Variants in KLF12 observed in about 807,000 individuals in gnomAD.
The protein encoded by KLF12 is Krueppel-like factor 12.
A neutral mutation model predicts 37.8 loss-of-function variants in KLF12; 9 were observed. That is an observed-to-expected ratio of 0.24 (90% CI 0.14 to 0.42). The LOEUF (loss-of-function observed/expected upper bound fraction) is 0.42, where lower values mean the gene tolerates loss of function less well. KLF12 is among the 10% of genes least tolerant of loss of function. The pLI is 1.00. For synonymous variants in KLF12, 208 were observed against 202.1 expected, an observed-to-expected ratio of 1.03 and a Z score of -0.25; for missense variants, 411 against 516.0, an observed-to-expected ratio of 0.80 and a Z score of 1.97.
At chr13:74,113,969 G>C (rs1408235047) in intron 1 of KLF12, among the ~76,000 whole-genome samples, 2 of 152,196 alleles carry the variant, frequency 1.3e-5, no homozygotes, top group East Asian at 3.8e-4. Context: ...ACTTGGAGAA[G>C]TTCAAGAGTT....
At chr13:74,025,132 G>A (rs939145242) in intron 1 of KLF12, among the ~76,000 whole-genome samples, 1 of 152,120 alleles carries the variant, frequency 6.6e-6, no homozygotes, top group Admixed American at 6.6e-5. Context: ...TAGAAGTCAT[G>A]AACAAATGCA....
At chr13:73,949,225 A>G (rs1262142621) in intron 2 of KLF12, among the ~76,000 whole-genome samples, 3 of 152,242 alleles carry the variant, frequency 2.0e-5, no homozygotes, top group East Asian at 3.9e-4. Flanking sequence ...CTCTATATCA[A>G]TATGCACTCC....
the KLF12 span, among the ~76,000 whole-genome samples, chr13:74,245,119 T>G: frequency 6.6e-6 from 1 of 152,168 alleles, no homozygotes; most frequent in Non-Finnish European, 1.5e-5. Flanking sequence ...CAAGGAAAAT[T>G]TCCAGTTCTT....
chr13:73,849,393 A>AAAAAAAAT, intron 3 of KLF12, among the ~76,000 whole-genome samples: 1 of 151,370 alleles, frequency 6.6e-6, no homozygotes, highest in African/African-American at 2.4e-5. Context: ...AAAAAAAAAA[A>AAAAAAAAT]AAAAAAAGCA....
chr13:73,947,011 T>C (rs1890454986), intron 2 of KLF12, among the ~76,000 whole-genome samples: 1 of 152,228 alleles, frequency 6.6e-6, no homozygotes, highest in Admixed American at 6.5e-5. Context: ...ATGTAGACTT[T>C]AAATATGTAC....
intron 1 of KLF12, among the ~76,000 whole-genome samples, chr13:74,107,105 G>A (rs1280020328): frequency 6.8e-6 from 1 of 146,636 alleles, no homozygotes; most frequent in Admixed American, 6.8e-5. Flanking sequence ...ATGGTGGAAG[G>A]GATGTGGGGG....
chr13:74,204,538 T>A, the KLF12 span, among the ~76,000 whole-genome samples: 1 of 152,172 alleles, frequency 6.6e-6, no homozygotes, highest in Admixed American at 6.6e-5. Flanking sequence ...TGGAAATCTG[T>A]CAACTCTAAA....
At chr13:73,742,439 T>A (rs1397002731) in intron 6 of KLF12, among the ~76,000 whole-genome samples, 1 of 152,204 alleles carries the variant, frequency 6.6e-6, no homozygotes, top group East Asian at 1.9e-4. Flanking sequence ...ATTCAAATCT[T>A]AATAGTTAAC....
At chr13:73,696,026 C>A (rs1182169028) in intron 7 of KLF12, among the ~76,000 whole-genome samples, 1 of 152,168 alleles carries the variant, frequency 6.6e-6, no homozygotes. Flanking sequence ...CTGAAAGTCA[C>A]AAAGAATTCT....
intron 1 of KLF12, among the ~76,000 whole-genome samples, chr13:74,071,143 C>G (rs1339259756): frequency 6.6e-6 from 1 of 152,102 alleles, no homozygotes; most frequent in African/African-American, 2.4e-5. Flanking sequence ...ATGGAGAGTA[C>G]TATATAAAAA....
At chr13:73,746,243 CAAATG>C (rs1170063907) in intron 6 of KLF12, among the ~76,000 whole-genome samples, 7 of 152,224 alleles carry the variant, frequency 4.6e-5, no homozygotes, top group Admixed American at 2.0e-4. Flanking sequence ...TTAAAACTTA[CAAATG>C]AAATGAAACA....
At chr13:73,728,433 T>C (rs758549634) in intron 6 of KLF12, among the ~76,000 whole-genome samples, 4 of 152,208 alleles carry the variant, frequency 2.6e-5, no homozygotes, top group Non-Finnish European at 5.9e-5. Flanking sequence ...TCCTTTCTAA[T>C]CTACATTTCT....
chr13:74,153,003 A>T, the KLF12 span, among the ~76,000 whole-genome samples: 421 of 152,052 alleles, frequency 2.8e-3, 3 homozygotes, highest in African/African-American at 9.1e-3. Context: ...GTAGAAAGGT[A>T]TAATAATTTC....
At chr13:73,732,359 G>C (rs1594021068) in intron 6 of KLF12, among the ~76,000 whole-genome samples, 1 of 151,930 alleles carries the variant, frequency 6.6e-6, no homozygotes, top group East Asian at 1.9e-4. Context: ...CAAAGTGCTG[G>C]GATTACAGGC....
At chr13:73,984,780 CAA>C (rs981587769) in intron 2 of KLF12, among the ~76,000 whole-genome samples, 1 of 152,190 alleles carries the variant, frequency 6.6e-6, no homozygotes, top group African/African-American at 2.4e-5. Flanking sequence ...TCCAGAAAAA[CAA>C]AACGTTACGG....
intron 2 of KLF12, among the ~76,000 whole-genome samples, chr13:73,983,653 C>G (rs1329976218): frequency 6.6e-6 from 1 of 152,196 alleles, no homozygotes; most frequent in African/African-American, 2.4e-5. Flanking sequence ...TGTACAAAAT[C>G]AGAATCCTCC....
chr13:73,753,826 A>AAGGG (rs1878957227), intron 6 of KLF12, among the ~76,000 whole-genome samples: 1 of 152,188 alleles, frequency 6.6e-6, no homozygotes, highest in Admixed American at 6.5e-5. Flanking sequence ...CTAGGCAGAG[A>AAGGG]AGGGGCTCGA....
intron 1 of KLF12, among the ~76,000 whole-genome samples, chr13:74,107,482 TC>T (rs1211616891): frequency 6.6e-6 from 1 of 152,244 alleles, no homozygotes; most frequent in Non-Finnish European, 1.5e-5. Flanking sequence ...AGTTAACTCT[TC>T]ACTTTCTTAG....
chr13:73,997,241 C>T (rs1892146932), intron 1 of KLF12, among the ~76,000 whole-genome samples: 2 of 152,076 alleles, frequency 1.3e-5, no homozygotes, highest in African/African-American at 4.8e-5. Flanking sequence ...TGTCCCTAGT[C>T]TCACCTCTAT....
Sources: allele counts gnomAD v4.1 joint callset (sites outside exome capture counted in the v4.1 genomes callset), GRCh38; gene constraint gnomAD v4.1.1; transcripts MANE v1.5; gene names NCBI Gene and HGNC (gene_info 2026-07-23, HGNC 2026-07-21).